The following NOX3 variants were observed in gnomAD, a reference collection of about 807,000 sequenced individuals.
NOX3 encodes the protein NADPH oxidase catalytic subunit-like 3.
In NOX3, 74 loss-of-function variants were observed where a neutral mutation model predicts 76.7. The ratio of observed to expected loss-of-function variants is 0.96; its 90% CI spans 0.80 to 1.17. The LOEUF (loss-of-function observed/expected upper bound fraction) is 1.17, where lower values mean the gene tolerates loss of function less well. Ranked by LOEUF, NOX3 falls within the 50% of genes most tolerant of loss-of-function variation. The probability of loss-of-function intolerance (pLI) is 0.00; values close to 1 mark genes in which losing one functional copy is unlikely to be tolerated. For missense variants in NOX3, 695 were observed against 703.3 expected (o/e 0.99, Z 0.13); for synonymous variants, 263 against 261.1 (o/e 1.01, Z -0.07).
chr6:155,442,106 TA>T (rs1300945191), intron 5 of NOX3, among the ~76,000 whole-genome samples: 2 of 151,818 alleles, frequency 1.3e-5, no homozygotes, highest in Non-Finnish European at 2.9e-5. Context: ...CTACTAAAAA[TA>T]ACAAAAATTA....
At chr6:155,413,513 G>C (rs1776581437) in intron 10 of NOX3, among the ~76,000 whole-genome samples, 1 of 152,102 alleles carries the variant, frequency 6.6e-6, no homozygotes, top group Admixed American at 6.5e-5. Context: ...CCAGGGTATG[G>C]AGGGTGGGGG....
intron 10 of NOX3, among the ~76,000 whole-genome samples, chr6:155,417,997 G>C (rs1371804960): frequency 6.6e-6 from 1 of 152,216 alleles, no homozygotes; most frequent in Non-Finnish European, 1.5e-5. Flanking sequence ...CTCAGTTCTT[G>C]TATAATCTGT....
rs59598361 is a variant in NOX3, at chr6:155,440,683, C to CA, written c.487-547dup. On this transcript the variant is annotated intron_variant, in intron 5 of 13. Coordinates refer to ENST00000159060, the MANE Select transcript of NOX3 (RefSeq NM_015718.3). ...TAACAAAATGGGAAAAAAGAAAAAA[C>CA]AAAAAAAAAAAAAACCAAAGTGATT... Among the ~76,000 whole-genome samples the CA allele has an allele frequency of 6.0e-3, 629 of 105,518 alleles. 1 individual carries two copies. Among genetic ancestry groups the CA allele is most frequent in the Non-Finnish European group, 8.5e-3 (395 of 46,264 alleles). The allele number at this position is 105,518 out of a possible 152,430, so 69.2% of individuals were successfully genotyped here.
At chr6:155,398,157 G>A (rs1216339716) in intron 12 of NOX3, among the ~76,000 whole-genome samples, 1 of 152,096 alleles carries the variant, frequency 6.6e-6, no homozygotes, top group Non-Finnish European at 1.5e-5. Context: ...CTCTAGTGTG[G>A]ATCAAAAGTT....
Position 155,450,739 on chromosome 6 carries a change from G to T in NOX3, c.340+2665C>A, listed in dbSNP as rs111306205. ...AGGGGATCCCTGGATCAAAGGCACAGAATGCTTAGGAACTCCTAGGAGCTG... is the reference window on the plus strand; with the variant it reads ...AGGGGATCCCTGGATCAAAGGCACATAATGCTTAGGAACTCCTAGGAGCTG... On this transcript the variant is annotated intron_variant, in intron 4 of 13. Coordinates refer to ENST00000159060, the MANE Select transcript of NOX3 (RefSeq NM_015718.3). Among the ~76,000 whole-genome samples, 618 of 152,266 alleles carry T rather than the reference G, an allele frequency of 4.1e-3. 4 individuals are homozygous for T. The highest frequency in any genetic ancestry group is 0.014 in the African/African-American group (586 of 41,548).
At chr6:155,428,744 C>A in intron 9 of NOX3, 50 bp downstream of exon 9, 1 of 1,445,708 alleles carries the variant, frequency 6.9e-7, no homozygotes, top group Non-Finnish European at 9.1e-7. Flanking sequence ...ATTAAGATAC[C>A]TTACTTTTTA....
chr6:155,431,415 C>A (rs79215468), intron 7 of NOX3, among the ~76,000 whole-genome samples: 5 of 138,346 alleles, frequency 3.6e-5, no homozygotes, highest in African/African-American at 1.1e-4. Flanking sequence ...AACACAGAAA[C>A]ACACACACAC....
intron 6 of NOX3, among the ~76,000 whole-genome samples, chr6:155,437,164 G>C (rs993380862): frequency 6.6e-6 from 1 of 152,194 alleles, no homozygotes; most frequent in Admixed American, 6.5e-5. Flanking sequence ...ACTGGACGAA[G>C]AGTCCTATAA....
chr6:155,411,009 G>A (rs147017997), intron 11 of NOX3, among the ~76,000 whole-genome samples: 1 of 152,310 alleles, frequency 6.6e-6, no homozygotes, highest in African/African-American at 2.4e-5. Context: ...CAAGTTAACT[G>A]TAGCTTCTTT....
chr6:155,400,626 A>C (rs1057391432), intron 12 of NOX3, among the ~76,000 whole-genome samples: 3 of 144,448 alleles, frequency 2.1e-5, no homozygotes, highest in African/African-American at 5.1e-5. Flanking sequence ...CGCAGATGAT[A>C]ATTGTGCTGG....
chr6:155,407,228 G>A lies in NOX3; in HGVS notation c.1482C>T (p.Asp494=), dbSNP rs764249682. ...NQALHIALHW[D]ENTDVITGLK... ...AGCCTGTAATCACGTCAGTATTTTC[G>A]TCCCAGTGTAAAGCTATGTGAAGAG... The change falls in exon 12 of 14, where the codon GAC becomes GAT. Residue 494 remains aspartate, a synonymous_variant. Coordinates refer to ENST00000159060, the MANE Select transcript of NOX3 (RefSeq NM_015718.3). 33 of 1,613,688 alleles carry A rather than the reference G, an allele frequency of 2.0e-5. No homozygotes were observed. Among genetic ancestry groups the A allele is most frequent in the Middle Eastern group, 1.6e-4 (1 of 6,082 alleles).
At chr6:155,435,888 T>C (rs557098753) in intron 7 of NOX3, among the ~76,000 whole-genome samples, 1 of 152,238 alleles carries the variant, frequency 6.6e-6, no homozygotes, top group Admixed American at 6.5e-5. Context: ...GCTAACATCA[T>C]CATTATTTCA....
At position 155,407,254 on chromosome 6, in the gene NOX3, C is replaced by T. The variant is rs767630406; in HGVS notation, c.1456G>A (p.Ala486Thr). The change falls in exon 12 of 14, where the codon GCT (alanine) becomes ACT (threonine). Residue 486 changes from alanine to threonine, a missense_variant and splice_region_variant. Coordinates refer to ENST00000159060, the MANE Select transcript of NOX3 (RefSeq NM_015718.3). ...TCCCAGTGTAAAGCTATGTGAAGAG[C>T]CTAAAGTAAATTTGTGGCATTAGAT... Reference protein sequence around the residue: ...IFLTGWDENQALHIALHWDEN... With the variant: ...IFLTGWDENQTLHIALHWDEN... 6.2e-7 allele frequency: 1 copy of T among 1,608,730 alleles called. No individual in the cohort carries two copies. The highest frequency in any genetic ancestry group is 8.5e-7 in the Non-Finnish European group (1 of 1,177,556).
intron 9 of NOX3, among the ~76,000 whole-genome samples, chr6:155,425,127 T>G (rs1267602554): frequency 1.3e-5 from 2 of 152,356 alleles, no homozygotes; most frequent in Admixed American, 1.3e-4. Context: ...TTTGTTCTCA[T>G]GTCTTACTGA....
At chr6:155,407,067 C>T in intron 12 of NOX3, 63 bp downstream of exon 12, 1 of 1,594,038 alleles carries the variant, frequency 6.3e-7, no homozygotes, top group Non-Finnish European at 8.6e-7. Context: ...CTTTTCACTC[C>T]AGCAGCCCTT....
chr6:155,419,575 A>C (rs1245674889), intron 10 of NOX3, among the ~76,000 whole-genome samples: 1 of 152,096 alleles, frequency 6.6e-6, no homozygotes, highest in Non-Finnish European at 1.5e-5. Context: ...ATAGTCCCTC[A>C]CATTTTTATA....
At position 155,407,241 on chromosome 6, in the gene NOX3, G is replaced by A. The variant is rs1776477032; in HGVS notation, c.1469C>T (p.Ala490Val). 6.2e-7 allele frequency: 1 copy of A among 1,613,660 alleles called. No individual in the cohort carries two copies. Among genetic ancestry groups the A allele is most frequent in the East Asian group, 2.2e-5 (1 of 44,858 alleles). ...GWDENQALHIALHWDENTDVI... is the reference protein window; with the variant it reads ...GWDENQALHIVLHWDENTDVI... The stretch of plus-strand genomic sequence containing the variant: ...GTCAGTATTTTCGTCCCAGTGTAAA[G>A]CTATGTGAAGAGCCTAAAGTAAATT... Residue 490 changes from alanine (A) to valine (V), a missense_variant, in exon 12 of 14, where the codon GCT becomes GTT. Coordinates refer to ENST00000159060, the MANE Select transcript of NOX3 (RefSeq NM_015718.3).
chr6:155,428,826 T>C lies in NOX3; in HGVS notation c.1113A>G (p.Gly371=). The C allele has an allele frequency of 6.4e-7, 1 of 1,556,066 alleles. No individual in the cohort carries two copies. Among genetic ancestry groups the C allele is most frequent in the South Asian group, 1.2e-5 (1 of 82,798 alleles). ...AALLEAFGAE[G]QALQEPWSLP... is the part of the protein sequence containing the mutation. ...GGCTCCAGGGCTCCTGGAGGGCCTG[T>C]CCCTCTGCCCCAAAGGCCTCCAGTA... Residue 371 remains glycine (G), a synonymous_variant, in exon 9 of 14, where the codon GGA becomes GGG. Transcript: ENST00000159060.
chr6:155,434,265 A>G (rs1014294492), intron 7 of NOX3, among the ~76,000 whole-genome samples: 3 of 152,204 alleles, frequency 2.0e-5, no homozygotes, highest in Non-Finnish European at 4.4e-5. Flanking sequence ...TTCCCTAGTA[A>G]TTACAAAGTG....
Sources: allele counts gnomAD v4.1 joint callset (sites outside exome capture counted in the v4.1 genomes callset), GRCh38; gene constraint gnomAD v4.1.1; transcripts MANE v1.5; gene names NCBI Gene and HGNC (gene_info 2026-07-23, HGNC 2026-07-21).